DCAF13: variants seen among roughly 807,000 people sequenced by gnomAD.
The protein encoded by DCAF13 is DDB1 and CUL4 associated factor 13.
In DCAF13, 38 loss-of-function variants were observed where a neutral mutation model predicts 59.0. The ratio of observed to expected loss-of-function variants is 0.64; its 90% CI spans 0.50 to 0.84. The LOEUF is 0.84. Among genes scored for constraint, DCAF13 ranks in the 40% least tolerant of loss-of-function variants. The pLI is 0.00. For missense variants in DCAF13, 469 were observed against 558.4 expected, an observed-to-expected ratio of 0.84 and a Z score of 1.61; for synonymous variants, 173 against 175.0, an observed-to-expected ratio of 0.99 and a Z score of 0.09.
At position 103,430,620 on chromosome 8, in the gene DCAF13, C is replaced by G. The variant is rs375223755; in HGVS notation, c.633C>G (p.Leu211=). The G allele has an allele frequency of 3.0e-5, 48 of 1,610,696 alleles. No individual in the cohort carries two copies. Among genetic ancestry groups the G allele is most frequent in the African/African-American group, 9.4e-5 (7 of 74,720 alleles). ...GTTATACTTGTTTTTAGACATTTCTCTTGGGAAGTTGTGCATCTGACAGGA... is the reference window on the plus strand; with the variant it reads ...GTTATACTTGTTTTTAGACATTTCTGTTGGGAAGTTGTGCATCTGACAGGA... ...SVKFNPIETF[L]LGSCASDRNI... The change falls in exon 6 of 11, where the codon CTC becomes CTG. Residue 211 remains leucine (L), a synonymous_variant. Transcript: ENST00000612750.
At chr8:103,435,285 A>G (rs183906769) in intron 7 of DCAF13, among the ~76,000 whole-genome samples, 46 of 152,164 alleles carry the variant, frequency 3.0e-4, no homozygotes, top group Non-Finnish European at 4.4e-5. Context: ...TAGTATGGTG[A>G]AAAAGGTTTT....
At chr8:103,422,043 G>T (rs546600701) in intron 3 of DCAF13, among the ~76,000 whole-genome samples, 2 of 152,170 alleles carry the variant, frequency 1.3e-5, no homozygotes, top group Admixed American at 6.5e-5. Flanking sequence ...CAGTTTGAAG[G>T]CCATTTTAAT....
At chr8:103,441,796 G>A in intron 10 of DCAF13, 178 bp downstream of exon 10, 1 of 467,534 alleles carries the variant, frequency 2.1e-6, no homozygotes. Flanking sequence ...TTTTTTTTTT[G>A]AGACGGAGTC....
chr8:103,437,724 T>A (rs939917717), intron 8 of DCAF13, among the ~76,000 whole-genome samples: 5 of 151,538 alleles, frequency 3.3e-5, no homozygotes, highest in Non-Finnish European at 7.4e-5. Context: ...CTTGGGTGAA[T>A]AATCTGTATT....
Position 103,426,120 on chromosome 8 carries a change from A to C in DCAF13, c.443A>C (p.Glu148Ala), listed in dbSNP as rs1340762253. Residue 148 changes from glutamate to alanine, a missense_variant, in exon 4 of 11, where the codon GAG becomes GCG. Physicochemically the swap from Glu to Ala is moderately radical, Grantham distance 107. Transcript: ENST00000612750. ...MDGPGYGDEE[E>A]PLHTILGKTV... is the part of the protein sequence containing the mutation. Reference sequence around the variant, plus strand: ...GGGCCAGGCTATGGAGACGAGGAAGAGCCATTACATACAATATTAGGAAAG... The same window carrying C: ...GGGCCAGGCTATGGAGACGAGGAAGCGCCATTACATACAATATTAGGAAAG... 15 of 1,611,548 alleles carry C rather than the reference A, an allele frequency of 9.3e-6. No individual in the cohort carries two copies. Among genetic ancestry groups the C allele is most frequent in the Non-Finnish European group, 1.2e-5 (14 of 1,178,570 alleles).
At chr8:103,442,700 T>C in intron 10 of DCAF13, 95 bp from the exon 11 acceptor site, 1 of 779,146 alleles carries the variant, frequency 1.3e-6, no homozygotes. Flanking sequence ...AATAGGTGTT[T>C]TTCTAGTGAA....
At chr8:103,433,449 C>T (rs951872915) in intron 7 of DCAF13, among the ~76,000 whole-genome samples, 5 of 151,798 alleles carry the variant, frequency 3.3e-5, no homozygotes, top group African/African-American at 4.8e-5. Context: ...TTTCCCAAAG[C>T]ATTTATTATA....
At chr8:103,425,888 A>C (rs994629399) in intron 3 of DCAF13, among the ~76,000 whole-genome samples, 168 bp from the exon 4 acceptor site, 4 of 152,194 alleles carry the variant, frequency 2.6e-5, no homozygotes, top group South Asian at 2.1e-4. Context: ...TATTTGTCAC[A>C]AATCTTTACT....
At chr8:103,435,919 G>A (rs572895810) in intron 8 of DCAF13, 129 bp downstream of exon 8, 1 of 922,794 alleles carries the variant, frequency 1.1e-6, no homozygotes, top group Admixed American at 1.9e-5. Flanking sequence ...AACAAAACTA[G>A]ATGGTATAAC....
chr8:103,434,482 G>A (rs776083140), intron 7 of DCAF13, among the ~76,000 whole-genome samples: 5 of 152,086 alleles, frequency 3.3e-5, no homozygotes, highest in Non-Finnish European at 4.4e-5. Flanking sequence ...TCTTAGGCAG[G>A]AACTGTAAAG....
intron 1 of DCAF13, among the ~76,000 whole-genome samples, chr8:103,419,847 A>C (rs1251085677): frequency 6.6e-6 from 1 of 151,998 alleles, no homozygotes; most frequent in Admixed American, 6.5e-5. Context: ...CATCTCTACT[A>C]AAAATAGAAA....
intron 8 of DCAF13, among the ~76,000 whole-genome samples, chr8:103,436,678 C>T (rs1409522741): frequency 6.6e-6 from 1 of 152,100 alleles, no homozygotes; most frequent in Non-Finnish European, 1.5e-5. Flanking sequence ...TTTCACTTTA[C>T]AGACTGACTT....
At chr8:103,416,097 G>A (rs748056048) in intron 1 of DCAF13, among the ~76,000 whole-genome samples, 1 of 152,148 alleles carries the variant, frequency 6.6e-6, no homozygotes, top group Non-Finnish European at 1.5e-5. Context: ...AATGACAAGG[G>A]ACCAACCATG....
intron 6 of DCAF13, among the ~76,000 whole-genome samples, chr8:103,431,015 A>G (rs1401305212): frequency 1.3e-5 from 2 of 152,182 alleles, no homozygotes; most frequent in Non-Finnish European, 2.9e-5. Flanking sequence ...GTGTAATAAT[A>G]TTCAAATAAT....
rs768741309 is a variant in DCAF13 at position 103,420,390 on chromosome 8, G to A, written c.197G>A (p.Arg66His). 8 of 1,614,132 alleles carry A rather than the reference G, an allele frequency of 5.0e-6. No individual in the cohort carries two copies. Among genetic ancestry groups the A allele is most frequent in the South Asian group, 1.1e-5 (1 of 91,066 alleles). Residue 66 changes from arginine (R) to histidine (H), a missense_variant, in exon 2 of 11, where the codon CGT becomes CAT. Around this residue, in one of 3 missense-constraint regions of DCAF13, gnomAD observed 355 missense variants for 399.1 expected, o/e 0.89. Coordinates refer to ENST00000612750, the MANE Select transcript of DCAF13 (RefSeq NM_015420.7). ...KPFLASLDGH[R>H]DGVNCLAKHP... ...TTCCTTGCTTCGCTGGATGGTCACC[G>A]TGATGGAGTCAATTGCTTGGCAAAG...
At chr8:103,439,083 C>T (rs192406185) in intron 8 of DCAF13, among the ~76,000 whole-genome samples, 11 of 152,284 alleles carry the variant, frequency 7.2e-5, no homozygotes, top group Admixed American at 2.0e-4. Context: ...TCTCGGCTCA[C>T]TGCAAGCTCC....
chr8:103,441,382 G>A (rs1336099584), intron 9 of DCAF13, 73 bp from the exon 10 acceptor site: 1 of 1,404,322 alleles, frequency 7.1e-7, no homozygotes, highest in Non-Finnish European at 9.6e-7. Context: ...GGGGAAAAGG[G>A]TGCTTTCTAG....
At chr8:103,425,817 GC>G (rs1335182313) in intron 3 of DCAF13, among the ~76,000 whole-genome samples, 3 of 151,914 alleles carry the variant, frequency 2.0e-5, no homozygotes, top group Middle Eastern at 3.2e-3. Context: ...ACCTAACTTT[GC>G]CCCTGTTCTT....
chr8:103,426,429 G>C (rs994304226), intron 4 of DCAF13, among the ~76,000 whole-genome samples: 9 of 151,610 alleles, frequency 5.9e-5, no homozygotes, highest in Non-Finnish European at 1.3e-4. Flanking sequence ...AGACCACGGA[G>C]AAAAAGATAG....
Sources: gnomAD v4.1 joint callset for allele counts (sites outside exome capture counted in the v4.1 genomes callset) on GRCh38, gnomAD v4.1.1 for gene constraint, gnomAD v4.1.1 regional missense constraint, MANE v1.5 for transcripts, NCBI Gene and HGNC (gene_info 2026-07-23, HGNC 2026-07-21) for gene names.